Variants in CCDC88A observed in about 807,000 individuals in gnomAD.
CCDC88A encodes coiled-coil and HOOK domain protein 88A, also known as girdin.
Under a neutral mutation model 234.3 loss-of-function variants are expected in CCDC88A, and 54 were observed. That is an observed-to-expected ratio of 0.23 (90% CI 0.19 to 0.29). The LOEUF is 0.29. CCDC88A is among the 10% of genes least tolerant of loss of function. CCDC88A has a pLI of 1.00. For synonymous variants in CCDC88A, 753 were observed against 737.8 expected (o/e 1.02, Z -0.33); for missense variants, 1,832 against 2,123.4 (o/e 0.86, Z 2.70).
intron 29 of CCDC88A, 50 bp from the exon 30 acceptor site, chr2:55,296,573 A>G (rs1035523378): frequency 2.0e-6 from 3 of 1,532,680 alleles, no homozygotes; most frequent in African/African-American, 2.7e-5. Flanking sequence ...ATTGAGATTA[A>G]TACTTCATGA....
In CCDC88A at chr2:55,317,863, T is replaced by A; in HGVS notation, c.3325-22A>T. ...CAACCTATAAGAATATATATTGTTA[T>A]CAGACATAAGAAAAACAGTTCATGT... On this transcript the variant is annotated intron_variant, in intron 19 of 32. Coordinates refer to ENST00000436346, the MANE Select transcript of CCDC88A (RefSeq NM_001365480.1). This position sits in a 1 kb window ranked among gnomAD's most constrained non-coding sequence, Gnocchi z 4.2. 6.7e-7 allele frequency: 1 copy of A among 1,494,462 alleles called. No homozygotes were observed. The highest frequency in any genetic ancestry group is 9.1e-7 in the Non-Finnish European group (1 of 1,100,542). 92.6% of individuals were successfully genotyped at this position (1,494,462 alleles called of 1,614,324 possible).
intron 3 of CCDC88A, among the ~76,000 whole-genome samples, chr2:55,383,214 A>G (rs1303016285): frequency 6.6e-6 from 1 of 152,208 alleles, no homozygotes; most frequent in African/African-American, 2.4e-5. Context: ...CATCTTTACA[A>G]GATGACCTTG....
chr2:55,398,547 G>T (rs950749104), intron 2 of CCDC88A, among the ~76,000 whole-genome samples: 22 of 152,102 alleles, frequency 1.4e-4, no homozygotes, highest in African/African-American at 5.1e-4. Flanking sequence ...ACGGAAAACA[G>T]GCCTTTTCAC....
At chr2:55,347,506 G>C (rs1669298493) in intron 9 of CCDC88A, among the ~76,000 whole-genome samples, 1 of 150,906 alleles carries the variant, frequency 6.6e-6, no homozygotes, top group African/African-American at 2.4e-5. Context: ...GTATTAAAGA[G>C]ATCTGCAAAA....
At chr2:55,407,407 C>T (rs1322128792) in intron 2 of CCDC88A, among the ~76,000 whole-genome samples, 1 of 151,648 alleles carries the variant, frequency 6.6e-6, no homozygotes, top group Non-Finnish European at 1.5e-5. Flanking sequence ...GAGTTCGAGA[C>T]CCGCCTGGCC....
intron 3 of CCDC88A, among the ~76,000 whole-genome samples, chr2:55,384,655 A>T (rs1675287591): frequency 1.7e-5 from 2 of 119,844 alleles, no homozygotes; most frequent in African/African-American, 7.9e-5. Flanking sequence ...ATATACATAT[A>T]TATATATATA....
Position 55,403,616 on chromosome 2 carries a change from T to C in CCDC88A, c.165-14730A>G, listed in dbSNP as rs531479710. ...CATAAAAAGGCAAAGGACATCTTAG[T>C]ATTATTATGAAAATAATTCTGACCT... is the stretch of plus-strand genomic sequence containing the variant. On this transcript the variant is annotated intron_variant, in intron 2 of 32. Coordinates refer to ENST00000436346, the MANE Select transcript of CCDC88A (RefSeq NM_001365480.1). The C allele has an allele frequency of 2.6e-5, 4 of 152,376 alleles. No individual in the cohort carries two copies. In the South Asian group the frequency reaches 8.3e-4, roughly 32 times the overall value. 9.4% of individuals were successfully genotyped at this position (152,376 alleles called of 1,614,324 possible).
intron 9 of CCDC88A, among the ~76,000 whole-genome samples, chr2:55,347,382 T>A (rs1295174210): frequency 6.6e-6 from 1 of 152,104 alleles, no homozygotes; most frequent in Non-Finnish European, 1.5e-5. Context: ...TTCACTTTCA[T>A]TCTCTCATGA....
intron 2 of CCDC88A, among the ~76,000 whole-genome samples, chr2:55,413,693 G>C (rs546124528): frequency 6.1e-4 from 93 of 152,180 alleles, no homozygotes; most frequent in Non-Finnish European, 1.3e-3. Context: ...CAAAGAGTCA[G>C]GCTGGTTTGT....
intron 2 of CCDC88A, among the ~76,000 whole-genome samples, chr2:55,413,754 C>T (rs548431713): frequency 6.6e-6 from 1 of 152,126 alleles, no homozygotes; most frequent in South Asian, 2.1e-4. Context: ...TCGCTTGAGA[C>T]CAGCCTGGGC....
At chr2:55,417,253 T>G (rs1408786747) in intron 2 of CCDC88A, 1 of 151,974 alleles carries the variant, frequency 6.6e-6, no homozygotes, top group Non-Finnish European at 1.5e-5. Context: ...AGTGGAAAAC[T>G]AAAGTAATAT....
intron 3 of CCDC88A, among the ~76,000 whole-genome samples, chr2:55,387,252 G>T (rs972398810): frequency 6.7e-6 from 1 of 149,484 alleles, no homozygotes; most frequent in African/African-American, 2.5e-5. Flanking sequence ...TAATTTGTAG[G>T]GTAAAGAAAA....
chr2:55,394,017 G>A (rs1007419826), intron 2 of CCDC88A: 1 of 151,990 alleles, frequency 6.6e-6, no homozygotes, highest in African/African-American at 2.4e-5. Flanking sequence ...GAGGTGCAAT[G>A]CTATGATCAT....
chr2:55,344,008 G>T, intron 11 of CCDC88A: 1 of 418,694 alleles, frequency 2.4e-6, no homozygotes, highest in Non-Finnish European at 4.2e-6. Context: ...GGGACACAAT[G>T]AAAATTCTTC....
chr2:55,344,311 T>G, intron 11 of CCDC88A, 57 bp downstream of exon 11: 1 of 1,284,906 alleles, frequency 7.8e-7, no homozygotes, highest in African/African-American at 1.5e-5. Flanking sequence ...GGAAATCAGC[T>G]GAATCTTAGA....
chr2:55,344,180 T>C, intron 11 of CCDC88A, 188 bp downstream of exon 11: 1 of 399,560 alleles, frequency 2.5e-6, no homozygotes, highest in Middle Eastern at 6.6e-4. Flanking sequence ...AACATGCTTC[T>C]GTAACAAAAG....
chr2:55,384,073 T>C (rs1675055484), intron 3 of CCDC88A, among the ~76,000 whole-genome samples: 1 of 151,040 alleles, frequency 6.6e-6, no homozygotes, highest in African/African-American at 2.5e-5. Flanking sequence ...GTGACACACA[T>C]GTGTAGTCCC....
chr2:55,381,059 T>C (rs1674502319), intron 3 of CCDC88A, among the ~76,000 whole-genome samples: 1 of 152,180 alleles, frequency 6.6e-6, no homozygotes, highest in Admixed American at 6.5e-5. Context: ...TACTATACCT[T>C]CTCTATGTTT....
chr2:55,317,055 C>T lies in CCDC88A; in HGVS notation c.3746+151G>A, dbSNP rs193297201. The T allele has an allele frequency of 9.9e-5, 26 of 263,630 alleles. No individual in the cohort carries two copies. Among genetic ancestry groups the T allele is most frequent in the African/African-American group, 4.0e-4 (18 of 44,582 alleles). The allele number at this position is 263,630 out of a possible 1,614,324, so 16.3% of individuals were successfully genotyped here. On this transcript the variant is annotated intron_variant, in intron 21 of 32. Coordinates refer to ENST00000436346, the MANE Select transcript of CCDC88A (RefSeq NM_001365480.1). This position sits in a 1 kb window ranked among gnomAD's most constrained non-coding sequence, Gnocchi z 4.2. ...CAGCCTATTCTATTTTTTAAAATTC[C>T]GAATTCAAACTATGCTTGGTACTAC... is the stretch of plus-strand genomic sequence containing the variant.
Sources: allele counts gnomAD v4.1 joint callset (sites outside exome capture counted in the v4.1 genomes callset), GRCh38; gene constraint gnomAD v4.1.1; non-coding constraint Gnocchi (gnomAD v3.1); transcripts MANE v1.5; gene names NCBI Gene and HGNC (gene_info 2026-07-23, HGNC 2026-07-21).